QPCT: variants seen among roughly 807,000 people sequenced by gnomAD.
The protein encoded by QPCT is EC.
QPCT carries 44 observed loss-of-function variants against 43.4 expected under a neutral mutation model. The observed-to-expected ratio is 1.01, with a 90% confidence interval of 0.80 to 1.30. QPCT has a LOEUF of 1.30. QPCT is among the 50% of genes most tolerant of loss of function. QPCT has a pLI of 0.00. For synonymous variants in QPCT, 168 were observed against 168.4 expected (o/e 1.00, Z 0.02); for missense variants, 526 against 436.5 (o/e 1.21, Z -1.83).
At position 37,344,698 on chromosome 2, in the gene QPCT, C is replaced by T. The variant is rs1672440534; in HGVS notation, c.-34C>T. On this transcript the variant is annotated 5_prime_UTR_variant, in exon 1 of 7. Transcript: ENST00000338415. ...TTCCCGGGCTCGTGACCGCCAGCGG[C>T]CCGGGGAACCCGCTCCCAGACAGAC... The T allele has an allele frequency of 6.3e-7, 1 of 1,576,998 alleles. No homozygotes were observed. The highest frequency in any genetic ancestry group is 8.6e-7 in the Non-Finnish European group (1 of 1,163,358).
chr2:37,360,337 G>A (rs1007203735), intron 3 of QPCT, among the ~76,000 whole-genome samples: 19 of 152,128 alleles, frequency 1.2e-4, no homozygotes, highest in Non-Finnish European at 2.4e-4. Flanking sequence ...AAAGCATGAA[G>A]CAGAAATGCA....
intron 3 of QPCT, among the ~76,000 whole-genome samples, chr2:37,361,961 G>A (rs910102292): frequency 2.6e-5 from 4 of 152,162 alleles, no homozygotes; most frequent in Non-Finnish European, 4.4e-5. Flanking sequence ...AGTAACGAAG[G>A]CCATGGCTAT....
chr2:37,370,811 C>CCAAAA (rs905812675), intron 5 of QPCT, among the ~76,000 whole-genome samples: 25 of 152,156 alleles, frequency 1.6e-4, no homozygotes, highest in South Asian at 2.1e-4. Flanking sequence ...ACCACCCTAC[C>CCAAAA]CAAAACAAAA....
At chr2:37,362,133 T>A (rs76199342) in intron 3 of QPCT, among the ~76,000 whole-genome samples, 1,797 of 152,320 alleles carry the variant, frequency 0.012, 30 homozygotes, top group African/African-American at 0.041. Flanking sequence ...GCTGTTGAAG[T>A]TTCACTGAGG....
intron 3 of QPCT, among the ~76,000 whole-genome samples, chr2:37,364,954 A>C (rs1241361843): frequency 6.7e-6 from 1 of 148,862 alleles, no homozygotes; most frequent in Non-Finnish European, 1.5e-5. Context: ...TAATATGTAT[A>C]TATAGAGAGA....
chr2:37,344,947 G>T, intron 1 of QPCT, 96 bp downstream of exon 1: 1 of 1,438,360 alleles, frequency 7.0e-7, no homozygotes. Flanking sequence ...AGCGGGAGGC[G>T]GGGCAGGGCC....
intron 3 of QPCT, among the ~76,000 whole-genome samples, chr2:37,363,664 A>T (rs1672899983): frequency 9.4e-6 from 1 of 106,916 alleles, no homozygotes; most frequent in Admixed American, 1.2e-4. Flanking sequence ...AAATGTAAAA[A>T]AAAAAAAAAA....
chr2:37,367,922 T>C (rs917753133), intron 4 of QPCT, among the ~76,000 whole-genome samples: 1 of 152,138 alleles, frequency 6.6e-6, no homozygotes, highest in Non-Finnish European at 1.5e-5. Flanking sequence ...TGACTGAGCT[T>C]AATTAAAATG....
intron 1 of QPCT, among the ~76,000 whole-genome samples, chr2:37,349,773 T>A (rs1369047576): frequency 6.6e-6 from 1 of 152,188 alleles, no homozygotes; most frequent in Non-Finnish European, 1.5e-5. Context: ...TAGCCACCTG[T>A]CTCTTCTGTC....
Position 37,372,945 on chromosome 2 carries a change from C to T in QPCT, c.*118C>T, listed in dbSNP as rs983638716. The T allele has an allele frequency of 9.3e-6, 8 of 856,304 alleles. No homozygotes were observed. The highest frequency in any genetic ancestry group is 3.4e-5 in the African/African-American group (2 of 58,248). 53.0% of individuals were successfully genotyped at this position (856,304 alleles called of 1,614,324 possible). On this transcript the variant is annotated 3_prime_UTR_variant, in exon 7 of 7. Transcript: ENST00000338415. ...TGGAAACATCTATCCTATAGATCAT[C>T]CTATTCTTATGTGTCTTTGGTTATC... is the stretch of plus-strand genomic sequence containing the variant.
At position 37,359,664 on chromosome 2, in the gene QPCT, CGGTCT is replaced by C. The variant is rs748937425; in HGVS notation, c.353_357del (p.Arg118LeufsTer13). 6.2e-7 allele frequency: 1 copy of C among 1,614,008 alleles called. No homozygotes were observed. Among genetic ancestry groups the C allele is most frequent in the Non-Finnish European group, 8.5e-7 (1 of 1,179,938 alleles). ...CTTGAGTCAGACACCCTATGGGTAC[CGGTCT>C]TTCTCAAATATCATCAGCACCCTCA... On this transcript the variant is annotated frameshift_variant, in exon 3 of 7. Transcript: ENST00000338415. LOFTEE classifies it high-confidence loss of function.
intron 2 of QPCT, among the ~76,000 whole-genome samples, chr2:37,353,259 C>T (rs1013237601): frequency 3.9e-5 from 6 of 152,140 alleles, no homozygotes; most frequent in Admixed American, 2.6e-4. Flanking sequence ...CAGCAACAGG[C>T]TTAGGGAGTC....
chr2:37,359,929 C>T, intron 3 of QPCT, 71 bp downstream of exon 3: 6 of 1,478,956 alleles, frequency 4.1e-6, no homozygotes, highest in Non-Finnish European at 5.5e-6. Flanking sequence ...ATTCTAGAAT[C>T]CTTGGAGGAA....
chr2:37,359,514 A>G, intron 2 of QPCT, 66 bp from the exon 3 acceptor site: 1 of 1,462,792 alleles, frequency 6.8e-7, no homozygotes, highest in Non-Finnish European at 9.3e-7. Flanking sequence ...AAAATTTCAG[A>G]ATCACAGTTA....
At chr2:37,370,645 A>T (rs781111690) in intron 5 of QPCT, among the ~76,000 whole-genome samples, 29 of 152,188 alleles carry the variant, frequency 1.9e-4, no homozygotes, top group Non-Finnish European at 1.0e-4. Context: ...GATCAGGATA[A>T]AGAGAAAGCC....
At chr2:37,364,643 A>C (rs1672919331) in intron 3 of QPCT, among the ~76,000 whole-genome samples, 1 of 152,208 alleles carries the variant, frequency 6.6e-6, no homozygotes, top group Non-Finnish European at 1.5e-5. Context: ...AGAAAGAGAC[A>C]GATCCCCACT....
Position 37,372,881 on chromosome 2 carries a change from G to A in QPCT, c.*54G>A, listed in dbSNP as rs1673112239. ...TCTAGAATTGAATTCAAAAGTCAAG[G>A]CATCATTTAAAATAATCTGATTTCA... On this transcript the variant is annotated 3_prime_UTR_variant, in exon 7 of 7. Transcript: ENST00000338415. The A allele has an allele frequency of 6.8e-7, 1 of 1,468,380 alleles. No homozygotes were observed. The highest frequency in any genetic ancestry group is 1.4e-5 in the African/African-American group (1 of 71,048). The allele number at this position is 1,468,380 out of a possible 1,614,324, so 91.0% of individuals were successfully genotyped here.
At chr2:37,353,744 G>A (rs1269835131) in intron 2 of QPCT, among the ~76,000 whole-genome samples, 1 of 152,170 alleles carries the variant, frequency 6.6e-6, no homozygotes, top group African/African-American at 2.4e-5. Flanking sequence ...CCATTTTAAG[G>A]GGCCGCTTGG....
intron 3 of QPCT, among the ~76,000 whole-genome samples, chr2:37,360,586 T>A (rs534786511): frequency 8.5e-5 from 13 of 152,334 alleles, no homozygotes; most frequent in African/African-American, 2.9e-4. Flanking sequence ...AACAAATGCT[T>A]TGTTCCCCGC....
Sources: gnomAD v4.1 joint callset for allele counts (sites outside exome capture counted in the v4.1 genomes callset) on GRCh38, gnomAD v4.1.1 for gene constraint, MANE v1.5 for transcripts, NCBI Gene and HGNC (gene_info 2026-07-23, HGNC 2026-07-21) for gene names.